The following NR1D1 variants were observed in gnomAD, a reference collection of about 807,000 sequenced individuals.
The protein encoded by NR1D1 is nuclear receptor subfamily 1 group D member 1, also known as Rev-ErbAalpha.
NR1D1 carries 17 observed loss-of-function variants against 51.1 expected under a neutral mutation model. That is an observed-to-expected ratio of 0.33 (90% CI 0.23 to 0.50). NR1D1 has a LOEUF of 0.50. NR1D1 is among the 20% of genes least tolerant of loss of function. NR1D1 has a pLI of 0.98. For synonymous variants in NR1D1, 341 were observed against 333.4 expected, an observed-to-expected ratio of 1.02 and a Z score of -0.25; for missense variants, 647 against 830.4, an observed-to-expected ratio of 0.78 and a Z score of 2.71.
intron 2 of NR1D1, 90 bp from the exon 3 acceptor site, chr17:40,096,869 GGA>G: frequency 7.1e-7 from 1 of 1,402,914 alleles, no homozygotes; most frequent in South Asian, 1.2e-5. Context: ...ATCCAGGGAG[GGA>G]AAAGCTAAGG....
chr17:40,096,346 G>A, intron 4 of NR1D1, 97 bp downstream of exon 4: 3 of 1,551,774 alleles, frequency 1.9e-6, no homozygotes, highest in South Asian at 1.1e-5. Context: ...GTGATTCACA[G>A]TATGATGTGT....
chr17:40,097,094 G>T lies in NR1D1; in HGVS notation c.341C>A (p.Ser114Tyr). The T allele has an allele frequency of 6.2e-7, 1 of 1,604,766 alleles. No homozygotes were observed. Among genetic ancestry groups the T allele is most frequent in the Non-Finnish European group, 8.5e-7 (1 of 1,174,978 alleles). ...GATGTTGCTGGTGCTCTTGCTGGGG[G>T]ACACTCGGCTGCTGTCCTCCATGGC... is the stretch of plus-strand genomic sequence containing the variant. ...QVAMEDSSRVSPSKSTSNITK... is the reference protein window; with the variant it reads ...QVAMEDSSRVYPSKSTSNITK... The change falls in exon 2 of 8, where the codon TCC becomes TAC. Residue 114 changes from serine (S) to tyrosine (Y), a missense_variant. Ser to Tyr is a moderately radical substitution (Grantham distance 144, BLOSUM62 -2). Transcript: ENST00000246672.
chr17:40,096,855 G>A (rs575014285), intron 2 of NR1D1, 76 bp from the exon 3 acceptor site: 30 of 1,432,648 alleles, frequency 2.1e-5, no homozygotes, highest in East Asian at 1.4e-4. Context: ...TTTCTGGGCC[G>A]GAGATCCAGG....
Position 40,093,847 on chromosome 17 carries a change from TAA to T in NR1D1, c.1645+63_1645+64del. 1 of 1,454,506 alleles carries T rather than the reference TAA, an allele frequency of 6.9e-7. No homozygotes were observed. The highest frequency in any genetic ancestry group is 1.1e-5 in the South Asian group (1 of 87,734). 90.1% of individuals were successfully genotyped at this position (1,454,506 alleles called of 1,614,324 possible). The stretch of plus-strand genomic sequence containing the variant: ...GGCCTGGCATAGAGTAGGTACTCCA[TAA>T]AAGGTGTGTTGAATTGAACTGCGTC... On this transcript the variant is annotated intron_variant, in intron 7 of 7. Coordinates refer to ENST00000246672, the MANE Select transcript of NR1D1 (RefSeq NM_021724.5). The surrounding 1 kb of genome is among the most constrained non-coding windows in gnomAD (Gnocchi z 5.9).
rs1038783288 is a variant in NR1D1 at position 40,093,449 on chromosome 17, G to C, written c.1646-167C>G. 8 of 1,519,480 alleles carry C rather than the reference G, an allele frequency of 5.3e-6. No individual in the cohort carries two copies. The African/African-American group carries it at 1.1e-4, about 21-fold the overall frequency. 94.1% of individuals were successfully genotyped at this position (1,519,480 alleles called of 1,614,324 possible). A position where few individuals can be genotyped will look rare whatever the true frequency, so the allele number is the denominator to read the frequency against. ...ACCTTCTCCCAGGCCTCTGCCCCAA[G>C]AGCAGGAGGTGCCTGAAAGCTGGGA... is the stretch of plus-strand genomic sequence containing the variant. On this transcript the variant is annotated intron_variant, in intron 7 of 7. Coordinates refer to ENST00000246672, the MANE Select transcript of NR1D1 (RefSeq NM_021724.5). The surrounding 1 kb of genome is among the most constrained non-coding windows in gnomAD (Gnocchi z 5.9).
rs1231785117 is a variant in NR1D1, at chr17:40,095,971, G to T, written c.721C>A (p.Pro241Thr). Residue 241 changes from proline (P) to threonine (T), a missense_variant, in exon 5 of 8, where the codon CCC becomes ACC. Coordinates refer to ENST00000246672, the MANE Select transcript of NR1D1 (RefSeq NM_021724.5). ...GGGCCTGGGGTGGGGTGCTGGGTGG[G>T]TGAAGTCTCCAGCGGGCACTGGCTG... Reference protein sequence around the residue: ...LSSQCPLETSPTQHPTPGPMG... With the variant: ...LSSQCPLETSTTQHPTPGPMG... The T allele has an allele frequency of 6.2e-7, 1 of 1,612,428 alleles. No individual in the cohort carries two copies. The highest frequency in any genetic ancestry group is 8.5e-7 in the Non-Finnish European group (1 of 1,179,924).
At chr17:40,099,756 C>A (rs1987839418) in intron 1 of NR1D1, among the ~76,000 whole-genome samples, 2 of 152,124 alleles carry the variant, frequency 1.3e-5, no homozygotes, top group South Asian at 4.1e-4. Context: ...GGGCACTGTT[C>A]CAAAGCTCCC....
intron 1 of NR1D1, among the ~76,000 whole-genome samples, chr17:40,099,162 T>C (rs1025375837): frequency 2.0e-5 from 3 of 152,084 alleles, no homozygotes; most frequent in African/African-American, 7.2e-5. Flanking sequence ...CTCTCGCACG[T>C]GGCTCCCCAA....
Position 40,097,445 on chromosome 17 carries a change from T to A in NR1D1, c.32-42A>T, listed in dbSNP as rs535736549. ...AGGAAAGGGGGTGTCAGCCGCCATG[T>A]CTCCGGACCTAGGGTGCCACTGTGC... On this transcript the variant is annotated intron_variant, in intron 1 of 7. Transcript: ENST00000246672. 5.3e-6 allele frequency: 8 copies of A among 1,510,074 alleles called. No homozygotes were observed. The South Asian group carries it at 7.1e-5, about 13-fold the overall frequency. The allele number at this position is 1,510,074 out of a possible 1,614,324, so 93.5% of individuals were successfully genotyped here.
Position 40,097,306 on chromosome 17 carries a change from G to A in NR1D1, c.129C>T (p.Ser43=). Residue 43 remains serine, a synonymous_variant, in exon 2 of 8, where the codon TCC becomes TCT. Transcript: ENST00000246672. ...AGTAGGTGGGACAGCCTTGGGTCAG[G>A]GACTGGAAGCTGCCATTGGAGTTGT... ...YSDNSNGSFQ[S]LTQGCPTYFP... is the part of the protein sequence containing the mutation. 7 of 1,614,126 alleles carry A rather than the reference G, an allele frequency of 4.3e-6. No individual in the cohort carries two copies. The highest frequency in any genetic ancestry group is 5.9e-6 in the Non-Finnish European group (7 of 1,180,028).
chr17:40,096,224 A>C, intron 4 of NR1D1, 137 bp from the exon 5 acceptor site: 1 of 1,361,020 alleles, frequency 7.3e-7, no homozygotes, highest in Non-Finnish European at 9.9e-7. Context: ...GTCCCCACCC[A>C]TCAAGGGGGT....
intron 1 of NR1D1, among the ~76,000 whole-genome samples, chr17:40,099,380 G>C (rs1363051219): frequency 1.3e-5 from 2 of 152,210 alleles, no homozygotes; most frequent in Non-Finnish European, 2.9e-5. Flanking sequence ...TAACGAGGCC[G>C]GGAGGCAACG....
intron 5 of NR1D1, 28 bp from the exon 6 acceptor site, chr17:40,095,148 G>T: frequency 6.3e-7 from 1 of 1,599,972 alleles, no homozygotes; most frequent in South Asian, 1.1e-5. Context: ...TGAAGGAGGG[G>T]AGTGTCAGCC....
intron 1 of NR1D1, 107 bp from the exon 2 acceptor site, chr17:40,097,510 A>ATC: frequency 2.4e-6 from 2 of 843,600 alleles, no homozygotes; most frequent in Non-Finnish European, 3.8e-6. Flanking sequence ...CTGGCCACTC[A>ATC]GTTCACCATG....
At chr17:40,095,401 C>T (rs1987732519) in intron 5 of NR1D1, 43 bp downstream of exon 5, 1 of 1,510,486 alleles carries the variant, frequency 6.6e-7, no homozygotes, top group South Asian at 1.3e-5. Context: ...CTGCCAGGCC[C>T]CCCCAATCTT....
In NR1D1 at chr17:40,093,695, T is replaced by C; in HGVS notation, c.1645+217A>G. On this transcript the variant is annotated intron_variant, in intron 7 of 7. Coordinates refer to ENST00000246672, the MANE Select transcript of NR1D1 (RefSeq NM_021724.5). This position sits in a 1 kb window ranked among gnomAD's most constrained non-coding sequence, Gnocchi z 5.9. ...GCTCCCCCAGGCAGAAATAGTTGTC[T>C]GTGCTTCCTTGGTTCATGCTTCTAC... The C allele has an allele frequency of 1.6e-6, 1 of 634,494 alleles. No homozygotes were observed. Among genetic ancestry groups the C allele is most frequent in the Non-Finnish European group, 2.7e-6 (1 of 368,822 alleles). The allele number at this position is 634,494 out of a possible 1,614,324, so 39.3% of individuals were successfully genotyped here. A position where few individuals can be genotyped will look rare whatever the true frequency, so the allele number is the denominator to read the frequency against.
chr17:40,099,973 A>G lies in NR1D1; in HGVS notation c.31+91T>C, dbSNP rs1055168322. 12 of 934,452 alleles carry G rather than the reference A, an allele frequency of 1.3e-5. No homozygotes were observed. In the African/African-American group the frequency reaches 1.3e-4, roughly 10 times the overall value. 57.9% of individuals were successfully genotyped at this position (934,452 alleles called of 1,614,324 possible). ...AAATCTCCGGGCCGAGGGACACCCC[A>G]GTCCCTTACAAAGTTCCTCTTTTTA... On this transcript the variant is annotated intron_variant, in intron 1 of 7. Transcript: ENST00000246672.
chr17:40,097,376 C>T lies in NR1D1; in HGVS notation c.59G>A (p.Ser20Asn). The T allele has an allele frequency of 6.2e-7, 1 of 1,612,474 alleles. No individual in the cohort carries two copies. The highest frequency in any genetic ancestry group is 1.1e-5 in the South Asian group (1 of 90,906). Residue 20 changes from serine to asparagine, a missense_variant, in exon 2 of 8, where the codon AGT becomes AAT. Physicochemically the swap from Ser to Asn is conservative, Grantham distance 46. Coordinates refer to ENST00000246672, the MANE Select transcript of NR1D1 (RefSeq NM_021724.5). ...GCTGGTGCGGCTTGGGGAGGAGCCACTGGAGCCAATGTAGGTGATGACGCC... is the reference window on the plus strand; with the variant it reads ...GCTGGTGCGGCTTGGGGAGGAGCCATTGGAGCCAATGTAGGTGATGACGCC... ...TGGVITYIGS[S>N]GSSPSRTSPE...
rs200442392 is a variant in NR1D1 at position 40,100,484 on chromosome 17, G to A, written c.-390C>T. ...GTGCAAAAGTCCCAGAGGAAGAGAG[G>A]TTGCAACCAGGAAGTAAGTAGGTGA... On this transcript the variant is annotated 5_prime_UTR_variant, in exon 1 of 8. Transcript: ENST00000246672. 1.3e-5 allele frequency: 6 copies of A among 452,554 alleles called. No individual in the cohort carries two copies. Among genetic ancestry groups the A allele is most frequent in the South Asian group, 5.0e-5 (1 of 19,874 alleles). The allele number at this position is 452,554 out of a possible 1,614,324, so 28.0% of individuals were successfully genotyped here. A position where few individuals can be genotyped will look rare whatever the true frequency, so the allele number is the denominator to read the frequency against.
Sources: gnomAD v4.1 joint callset for allele counts (sites outside exome capture counted in the v4.1 genomes callset) on GRCh38, gnomAD v4.1.1 for gene constraint, Gnocchi (gnomAD v3.1) non-coding constraint, MANE v1.5 for transcripts, NCBI Gene and HGNC (gene_info 2026-07-23, HGNC 2026-07-21) for gene names.